Variants in PACRG observed in about 807,000 individuals in gnomAD.
PACRG encodes the protein parkin coregulated gene protein.
PACRG carries 29 observed loss-of-function variants against 29.7 expected under a neutral mutation model. The ratio of observed to expected loss-of-function variants is 0.98; its 90% CI spans 0.73 to 1.33. PACRG has a LOEUF of 1.33. PACRG is among the 40% of genes most tolerant of loss of function. The pLI is 0.00. For synonymous variants in PACRG, 116 were observed against 118.7 expected (o/e 0.98, Z 0.15); for missense variants, 279 against 316.2 (o/e 0.88, Z 0.89).
chr6:163,125,146 A>G lies in PACRG; in HGVS notation c.613+35738A>G, dbSNP rs1488481412. ...AATAAAGGTGATATTTTAAATCAGC[A>G]AGGAAAGACTAGATTATTTATTAAA... On this transcript the variant is annotated intron_variant, in intron 4 of 4. Coordinates refer to ENST00000366888, the MANE Select transcript of PACRG (RefSeq NM_001080379.2). 2.0e-5 allele frequency among the ~76,000 whole-genome samples: 3 copies of G among 152,218 alleles called. No homozygotes were observed. In the East Asian group the frequency reaches 5.8e-4, roughly 29 times the overall value.
At chr6:162,933,584 A>G (rs886265018) in intron 2 of PACRG, among the ~76,000 whole-genome samples, 1 of 138,920 alleles carries the variant, frequency 7.2e-6, no homozygotes, top group African/African-American at 2.7e-5. Flanking sequence ...TTATCAGTAT[A>G]TAATGACTTT....
intron 2 of PACRG, among the ~76,000 whole-genome samples, chr6:162,825,939 T>G (rs999637382): frequency 1.2e-4 from 18 of 152,060 alleles, no homozygotes; most frequent in Admixed American, 3.3e-4. Context: ...ATTTATTTAT[T>G]TTATTTTATT....
chr6:163,197,634 A>G (rs948492449), intron 4 of PACRG, among the ~76,000 whole-genome samples: 1 of 151,212 alleles, frequency 6.6e-6, no homozygotes, highest in Non-Finnish European at 1.5e-5. Context: ...TGTTTTTAGT[A>G]GAGACGGGGT....
intron 2 of PACRG, among the ~76,000 whole-genome samples, chr6:162,969,695 A>G (rs925185861): frequency 1.3e-5 from 2 of 151,944 alleles, no homozygotes; most frequent in Admixed American, 1.3e-4. Flanking sequence ...GGGCCTCGGC[A>G]TGGTGTGGTT....
At chr6:163,122,537 G>C (rs1475071532) in intron 4 of PACRG, among the ~76,000 whole-genome samples, 1 of 152,078 alleles carries the variant, frequency 6.6e-6, no homozygotes, top group African/African-American at 2.4e-5. Context: ...AAAAAAGCCT[G>C]GCACCTCCCC....
rs567833488 is a variant in PACRG, at chr6:163,295,378, C to CACCG, written c.614-19446_614-19443dup. Among the ~76,000 whole-genome samples, 62 of 152,298 alleles carry CACCG rather than the reference C, an allele frequency of 4.1e-4. No individual in the cohort carries two copies. The East Asian group carries it at 0.01, about 25-fold the overall frequency. Reference sequence around the variant, plus strand: ...ATTTCTGTGTTAATTGGCTTGGCCACACCGACACTGAGTGCCCTTAGCAAG... The same window carrying CACCG: ...ATTTCTGTGTTAATTGGCTTGGCCACACCGACCGACACTGAGTGCCCTTAGCAAG... On this transcript the variant is annotated intron_variant, in intron 4 of 4. Coordinates refer to ENST00000366888, the MANE Select transcript of PACRG (RefSeq NM_001080379.2).
chr6:162,779,834 C>T (rs1364589600), intron 1 of PACRG, among the ~76,000 whole-genome samples: 3 of 152,158 alleles, frequency 2.0e-5, no homozygotes, highest in Non-Finnish European at 4.4e-5. Context: ...GAAACAATGA[C>T]ACTCAAGCCA....
chr6:163,312,118 T>C (rs1360184781), intron 4 of PACRG, among the ~76,000 whole-genome samples: 1 of 152,212 alleles, frequency 6.6e-6, no homozygotes, highest in Non-Finnish European at 1.5e-5. Context: ...CAGGGGTTTA[T>C]GCAATGGGCT....
intron 3 of PACRG, among the ~76,000 whole-genome samples, chr6:163,086,927 C>G (rs495882): frequency 0.21 from 31,540 of 151,938 alleles, 3,553 homozygotes; most frequent in South Asian, 0.36. Context: ...CAGCAACAAA[C>G]TAGGGGCTGT....
chr6:163,179,926 C>G (rs1031425641), intron 4 of PACRG, among the ~76,000 whole-genome samples: 1 of 152,194 alleles, frequency 6.6e-6, no homozygotes, highest in Non-Finnish European at 1.5e-5. Context: ...CCGCCAGGCA[C>G]CCCGTCCAGT....
chr6:163,221,842 A>G (rs1206766823), intron 4 of PACRG, among the ~76,000 whole-genome samples: 1 of 151,454 alleles, frequency 6.6e-6, no homozygotes, highest in Non-Finnish European at 1.5e-5. Flanking sequence ...ACAGGTGTGT[A>G]TTGGAGAGAA....
intron 2 of PACRG, among the ~76,000 whole-genome samples, chr6:162,878,582 C>A (rs932964774): frequency 1.3e-5 from 2 of 152,104 alleles, no homozygotes; most frequent in African/African-American, 4.8e-5. Context: ...CAACTAGAGC[C>A]ACCTGATGCT....
intron 4 of PACRG, among the ~76,000 whole-genome samples, chr6:163,281,024 G>C (rs554729822): frequency 6.6e-6 from 1 of 152,154 alleles, no homozygotes; most frequent in Non-Finnish European, 1.5e-5. Flanking sequence ...TATGAAAAGG[G>C]TATCATTTGA....
rs59594607 is a variant in PACRG, at chr6:163,101,416, AT to A, written c.613+12009del. On this transcript the variant is annotated intron_variant, in intron 4 of 4. Coordinates refer to ENST00000366888, the MANE Select transcript of PACRG (RefSeq NM_001080379.2). ...TAACAGAAATCACTGAATGTTACAT[AT>A]GTTTGTATGAGTCTTTATTTATTAT... 6.0e-3 allele frequency: 5,751 copies of A among 958,532 alleles called. 254 individuals are homozygous for A. The African/African-American group carries it at 0.092, about 15-fold the overall frequency. The allele number at this position is 958,532 out of a possible 1,614,324, so 59.4% of individuals were successfully genotyped here.
At chr6:163,155,523 C>G (rs1208090229) in intron 4 of PACRG, among the ~76,000 whole-genome samples, 1 of 152,178 alleles carries the variant, frequency 6.6e-6, no homozygotes, top group Non-Finnish European at 1.5e-5. Flanking sequence ...TAGAGGATGC[C>G]CAGATTCAAC....
At chr6:163,269,755 A>AAAGG (rs1783663601) in intron 4 of PACRG, among the ~76,000 whole-genome samples, 1 of 80,306 alleles carries the variant, frequency 1.2e-5, no homozygotes, top group African/African-American at 5.1e-5. Context: ...GAAGAAAGAG[A>AAAGG]GAGAGAGAGA....
At chr6:163,165,124 C>T (rs1307590348) in intron 4 of PACRG, among the ~76,000 whole-genome samples, 2 of 152,178 alleles carry the variant, frequency 1.3e-5, no homozygotes, top group Non-Finnish European at 2.9e-5. Context: ...ACGCATGTGG[C>T]AAGTGCTACA....
intron 4 of PACRG, among the ~76,000 whole-genome samples, chr6:163,127,662 GA>G (rs1335998162): frequency 6.6e-6 from 1 of 152,218 alleles, no homozygotes; most frequent in Admixed American, 6.5e-5. Flanking sequence ...GCTTGACATA[GA>G]AAAGTGTGTA....
intron 2 of PACRG, among the ~76,000 whole-genome samples, chr6:162,947,469 TAA>T (rs1491173745): frequency 4.6e-4 from 11 of 23,794 alleles, no homozygotes; most frequent in African/African-American, 9.3e-4. Flanking sequence ...TAATCATATA[TAA>T]TATATATATA....
Sources: gnomAD v4.1 joint callset for allele counts (sites outside exome capture counted in the v4.1 genomes callset) on GRCh38, gnomAD v4.1.1 for gene constraint, MANE v1.5 for transcripts, NCBI Gene and HGNC (gene_info 2026-07-23, HGNC 2026-07-21) for gene names.